LPAR3: variants seen among roughly 807,000 people sequenced by gnomAD.
LPAR3 encodes the protein LPA receptor 3.
LPAR3 carries 7 observed loss-of-function variants against 17.8 expected under a neutral mutation model. The ratio of observed to expected loss-of-function variants is 0.39; its 90% CI spans 0.22 to 0.74. The LOEUF (loss-of-function observed/expected upper bound fraction) is 0.74, where lower values mean the gene tolerates loss of function less well. Among genes scored for constraint, LPAR3 ranks in the 30% least tolerant of loss-of-function variants. The probability of loss-of-function intolerance (pLI) is 0.40; values close to 1 mark genes in which losing one functional copy is unlikely to be tolerated. For synonymous variants in LPAR3, 179 were observed against 179.9 expected, an observed-to-expected ratio of 0.99 and a Z score of 0.04; for missense variants, 391 against 453.4, an observed-to-expected ratio of 0.86 and a Z score of 1.25.
chr1:84,834,877 G>A (rs183645203), intron 2 of LPAR3, among the ~76,000 whole-genome samples: 1 of 152,228 alleles, frequency 6.6e-6, no homozygotes, highest in Admixed American at 6.5e-5. Flanking sequence ...CTTCCCACAA[G>A]GACTTCACCT....
intron 2 of LPAR3, among the ~76,000 whole-genome samples, chr1:84,842,346 A>G (rs1659518948): frequency 6.6e-6 from 1 of 152,250 alleles, no homozygotes; most frequent in South Asian, 2.1e-4. Context: ...CTATAGTTCT[A>G]GAGTCCCAAA....
intron 1 of LPAR3, among the ~76,000 whole-genome samples, chr1:84,881,908 T>C (rs1660373464): frequency 6.6e-6 from 1 of 152,112 alleles, no homozygotes; most frequent in Non-Finnish European, 1.5e-5. Flanking sequence ...AAGCTTTTGC[T>C]CCAAGATGAG....
At chr1:84,885,955 A>G (rs939805659) in intron 1 of LPAR3, among the ~76,000 whole-genome samples, 12 of 152,210 alleles carry the variant, frequency 7.9e-5, no homozygotes, top group Non-Finnish European at 1.5e-5. Flanking sequence ...TCATGATTTT[A>G]TAATACACAG....
At chr1:84,821,534 G>A (rs942441628) in intron 2 of LPAR3, among the ~76,000 whole-genome samples, 4 of 152,146 alleles carry the variant, frequency 2.6e-5, no homozygotes, top group African/African-American at 9.7e-5. Context: ...AATCATCTGG[G>A]CTGCCTGCTT....
intron 1 of LPAR3, among the ~76,000 whole-genome samples, chr1:84,876,182 A>T (rs970443477): frequency 6.6e-6 from 1 of 151,956 alleles, no homozygotes; most frequent in African/African-American, 2.4e-5. Flanking sequence ...CTCATATCTC[A>T]TACCCCTCCT....
intron 2 of LPAR3, among the ~76,000 whole-genome samples, chr1:84,837,320 T>C (rs1176925139): frequency 1.3e-5 from 2 of 152,232 alleles, no homozygotes; most frequent in Non-Finnish European, 2.9e-5. Context: ...CGCTCCTGGC[T>C]ACTTTAATTT....
intron 1 of LPAR3, among the ~76,000 whole-genome samples, chr1:84,887,102 T>C (rs143089833): frequency 0.015 from 2,279 of 152,122 alleles, 61 homozygotes; most frequent in African/African-American, 0.052. Flanking sequence ...CAGGGGCTCA[T>C]GCCTGTAATC....
At chr1:84,845,347 A>G (rs184868503) in intron 2 of LPAR3, among the ~76,000 whole-genome samples, 2 of 152,326 alleles carry the variant, frequency 1.3e-5, no homozygotes, top group Admixed American at 1.3e-4. Flanking sequence ...TACGACTTTT[A>G]CAGATGAGGA....
intron 1 of LPAR3, among the ~76,000 whole-genome samples, chr1:84,882,011 G>C (rs961734634): frequency 2.6e-5 from 4 of 152,098 alleles, no homozygotes; most frequent in African/African-American, 7.2e-5. Context: ...ATAAATAAAA[G>C]TCATACAGAT....
chr1:84,836,331 C>G (rs1373642479), intron 2 of LPAR3, among the ~76,000 whole-genome samples: 1 of 102,228 alleles, frequency 9.8e-6, no homozygotes. Flanking sequence ...CAATGAGATC[C>G]TGTCTTTAAA....
chr1:84,854,283 T>C (rs1659775120), intron 2 of LPAR3, among the ~76,000 whole-genome samples: 1 of 152,088 alleles, frequency 6.6e-6, no homozygotes, highest in African/African-American at 2.4e-5. Context: ...CCCTTTCCTC[T>C]CCACCTGTTA....
At chr1:84,826,327 A>T (rs1037527125) in intron 2 of LPAR3, among the ~76,000 whole-genome samples, 2 of 152,062 alleles carry the variant, frequency 1.3e-5, no homozygotes, top group African/African-American at 4.8e-5. Context: ...AAGAACTTTC[A>T]GCTTTTAGGT....
chr1:84,872,847 T>A (rs1444121643), intron 1 of LPAR3, among the ~76,000 whole-genome samples: 1 of 152,134 alleles, frequency 6.6e-6, no homozygotes, highest in Non-Finnish European at 1.5e-5. Flanking sequence ...ATGATCAAGG[T>A]CAACATCAAC....
chr1:84,836,671 G>A (rs1211336254), intron 2 of LPAR3, among the ~76,000 whole-genome samples: 1 of 152,196 alleles, frequency 6.6e-6, no homozygotes, highest in Admixed American at 6.5e-5. Flanking sequence ...CTCTGAAGCT[G>A]AGATGGCCTT....
intron 2 of LPAR3, among the ~76,000 whole-genome samples, chr1:84,848,322 T>A (rs1282380973): frequency 6.6e-6 from 1 of 152,218 alleles, no homozygotes; most frequent in Non-Finnish European, 1.5e-5. Context: ...TGCTGGGCCC[T>A]GAGGCTGGCC....
At chr1:84,872,090 G>A (rs758399080) in intron 1 of LPAR3, among the ~76,000 whole-genome samples, 1 of 152,116 alleles carries the variant, frequency 6.6e-6, no homozygotes, top group African/African-American at 2.4e-5. Flanking sequence ...TGTTTTTGAT[G>A]AAGTTATGCT....
chr1:84,836,316 C>T (rs1311949236), intron 2 of LPAR3, among the ~76,000 whole-genome samples: 7 of 130,392 alleles, frequency 5.4e-5, no homozygotes, highest in Admixed American at 1.8e-4. Flanking sequence ...CCAGCCTGGG[C>T]GATACAATGA....
chr1:84,866,442 A>G (rs1206328217), intron 1 of LPAR3, among the ~76,000 whole-genome samples: 2 of 152,094 alleles, frequency 1.3e-5, no homozygotes, highest in African/African-American at 2.4e-5. Context: ...CATGGTGGGT[A>G]ATTATTGGTA....
At chr1:84,861,079 C>G (rs1659932393) in intron 2 of LPAR3, among the ~76,000 whole-genome samples, 1 of 152,116 alleles carries the variant, frequency 6.6e-6, no homozygotes, top group Non-Finnish European at 1.5e-5. Context: ...AAATATGTAT[C>G]AAGGAGTAAA....
Sources: allele counts gnomAD v4.1 joint callset (sites outside exome capture counted in the v4.1 genomes callset), GRCh38; gene constraint gnomAD v4.1.1; transcripts MANE v1.5; gene names NCBI Gene and HGNC (gene_info 2026-07-23, HGNC 2026-07-21).